Variants in PA2G4 observed in about 807,000 individuals in gnomAD.
PA2G4 encodes the protein proliferation-associated protein 2G4.
A neutral mutation model predicts 53.3 loss-of-function variants in PA2G4; 8 were observed. The observed-to-expected ratio is 0.15, with a 90% CI of 0.09 to 0.27. PA2G4 has a LOEUF of 0.27. Among genes scored for constraint, PA2G4 ranks in the 10% least tolerant of loss-of-function variants. PA2G4 has a pLI of 1.00. For synonymous variants in PA2G4, 143 were observed against 169.8 expected (o/e 0.84, Z 1.23); for missense variants, 208 against 486.8 (o/e 0.43, Z 5.39).
intron 5 of PA2G4, among the ~76,000 whole-genome samples, chr12:56,108,118 T>G (rs1288991590): frequency 6.6e-6 from 1 of 151,310 alleles, no homozygotes; most frequent in East Asian, 2.0e-4. Context: ...CTTAATATTA[T>G]AGGCATGTGG....
At chr12:56,112,711 G>A (rs192469872) in intron 12 of PA2G4, 112 bp from the exon 13 acceptor site, 2 of 752,572 alleles carry the variant, frequency 2.7e-6, no homozygotes, top group African/African-American at 1.9e-5. Context: ...CTCCAGCCTG[G>A]AAAACAGAGT....
chr12:56,105,190 G>T, intron 1 of PA2G4: 5 of 497,000 alleles, frequency 1.0e-5, no homozygotes, highest in South Asian at 7.8e-5. Flanking sequence ...AAAAGGAAGC[G>T]CCCAGCTATT....
chr12:56,104,648 G>A lies in PA2G4; in HGVS notation c.-90G>A. The A allele has an allele frequency of 8.3e-7, 1 of 1,203,932 alleles. No individual in the cohort carries two copies. The highest frequency in any genetic ancestry group is 2.3e-5 in the East Asian group (1 of 43,010). The allele number at this position is 1,203,932 out of a possible 1,614,324, so 74.6% of individuals were successfully genotyped here. A position where few individuals can be genotyped will look rare whatever the true frequency, so the allele number is the denominator to read the frequency against. On this transcript the variant is annotated 5_prime_UTR_variant, in exon 1 of 13. Transcript: ENST00000303305. ...CGCTCGCCCTCTCCTCGAGGATCGA[G>A]GGGACTCTGACCACAGCCTGTGGCT... is the stretch of plus-strand genomic sequence containing the variant.
intron 1 of PA2G4, 90 bp from the exon 2 acceptor site, chr12:56,106,498 A>G (rs1869304827): frequency 7.2e-7 from 1 of 1,382,542 alleles, no homozygotes; most frequent in Middle Eastern, 2.7e-4. Flanking sequence ...AGTATTATGG[A>G]AACTCTTAAA....
Position 56,113,731 on chromosome 12 carries a change from C to T in PA2G4, c.*843C>T. On this transcript the variant is annotated 3_prime_UTR_variant, in exon 13 of 13. Transcript: ENST00000303305. ...GCGTAGACTGACTGAAGACACAACT[C>T]CTGGCTTTCTGAAGCTATGGACTTG... 2 of 660,958 alleles carry T rather than the reference C, an allele frequency of 3.0e-6. No homozygotes were observed. Among genetic ancestry groups the T allele is most frequent in the South Asian group, 3.3e-5 (2 of 60,330 alleles). The allele number at this position is 660,958 out of a possible 1,614,324, so 40.9% of individuals were successfully genotyped here. A position where few individuals can be genotyped will look rare whatever the true frequency, so the allele number is the denominator to read the frequency against.
intron 1 of PA2G4, 111 bp downstream of exon 1, chr12:56,104,936 C>T: frequency 2.1e-6 from 2 of 971,606 alleles, no homozygotes; most frequent in South Asian, 2.6e-5. Flanking sequence ...CTGAGGGGCC[C>T]GCACCGGTCC....
Position 56,113,470 on chromosome 12 carries a change from C to G in PA2G4, c.*582C>G. 1 of 210,772 alleles carries G rather than the reference C, an allele frequency of 4.7e-6. No individual in the cohort carries two copies. The allele number at this position is 210,772 out of a possible 1,614,324, so 13.1% of individuals were successfully genotyped here. A position where few individuals can be genotyped will look rare whatever the true frequency, so the allele number is the denominator to read the frequency against. Reference sequence around the variant, plus strand: ...CTCCCATTTTAGGAGCTGGAGCCTTCATTTATGAAGAGATTCTCATCTATG... The same window carrying G: ...CTCCCATTTTAGGAGCTGGAGCCTTGATTTATGAAGAGATTCTCATCTATG... On this transcript the variant is annotated 3_prime_UTR_variant, in exon 13 of 13. Transcript: ENST00000303305.
chr12:56,104,715 G>T lies in PA2G4; in HGVS notation c.-23G>T. 6.2e-7 allele frequency: 1 copy of T among 1,606,876 alleles called. No homozygotes were observed. Among genetic ancestry groups the T allele is most frequent in the African/African-American group, 1.3e-5 (1 of 74,930 alleles). ...GCGGCGGCGGCTCAGGGGAAACGAG[G>T]CTGCAGTGGTGGTAGTAGGAAGATG... is the stretch of plus-strand genomic sequence containing the variant. On this transcript the variant is annotated 5_prime_UTR_variant, in exon 1 of 13. Transcript: ENST00000303305.
chr12:56,110,457 G>A lies in PA2G4; in HGVS notation c.688G>A (p.Val230Ile), dbSNP rs11549086. ...VHEVYAVDVLVSSGEGKAKDA... is the reference protein window; with the variant it reads ...VHEVYAVDVLISSGEGKAKDA... ...TGAAGTATATGCTGTGGATGTTCTC[G>A]TCAGCTCAGGAGAGGGCAAGGTGAG... Residue 230 changes from valine to isoleucine, a missense_variant, in exon 8 of 13, where the codon GTC (valine) becomes ATC (isoleucine). Around this residue, in one of 3 missense-constraint regions of PA2G4, gnomAD observed 143 missense variants for 386.8 expected, o/e 0.37. Coordinates refer to ENST00000303305, the MANE Select transcript of PA2G4 (RefSeq NM_006191.3). 5.6e-6 allele frequency: 9 copies of A among 1,613,128 alleles called. No homozygotes were observed. The highest frequency in any genetic ancestry group is 1.7e-5 in the Admixed American group (1 of 60,022).
intron 1 of PA2G4, 122 bp downstream of exon 1, chr12:56,104,947 G>T (rs1009554310): frequency 2.6e-5 from 24 of 907,258 alleles, no homozygotes; most frequent in Non-Finnish European, 3.5e-5. Flanking sequence ...GCACCGGTCC[G>T]CTGGGCACGG....
Position 56,107,042 on chromosome 12 carries a change from C to T in PA2G4, c.270C>T (p.Ser90=), listed in dbSNP as rs754040504. The part of the protein sequence containing the change: ...ISVNNCVCHF[S]PLKSDQDYIL... Reference sequence around the variant, plus strand: ...TAAATAACTGTGTATGTCACTTCTCCCCTTTGAAGAGCGACCAGGATTATA... The same window carrying T: ...TAAATAACTGTGTATGTCACTTCTCTCCTTTGAAGAGCGACCAGGATTATA... Residue 90 remains serine, a synonymous_variant, in exon 3 of 13, where the codon TCC becomes TCT. Coordinates refer to ENST00000303305, the MANE Select transcript of PA2G4 (RefSeq NM_006191.3). 12 of 1,613,832 alleles carry T rather than the reference C, an allele frequency of 7.4e-6. No individual in the cohort carries two copies. The South Asian group carries it at 1.3e-4, about 18-fold the overall frequency.
At position 56,104,565 on chromosome 12, in the gene PA2G4, C is replaced by G. The variant is rs1413949759; in HGVS notation, c.-173C>G. On this transcript the variant is annotated 5_prime_UTR_variant, in exon 1 of 13. Coordinates refer to ENST00000303305, the MANE Select transcript of PA2G4 (RefSeq NM_006191.3). ...CCAGCGTGCCCTGCGCCTCAGCCCG[C>G]GCGCTCGCAGCTTCTCGCTCTCGCC... 4.0e-6 allele frequency: 3 copies of G among 746,264 alleles called. No homozygotes were observed. The highest frequency in any genetic ancestry group is 5.2e-5 in the East Asian group (2 of 38,444). 46.2% of individuals were successfully genotyped at this position (746,264 alleles called of 1,614,324 possible). A position where few individuals can be genotyped will look rare whatever the true frequency, so the allele number is the denominator to read the frequency against.
At chr12:56,111,113 T>A (rs1869412205) in intron 10 of PA2G4, 55 bp downstream of exon 10, 1 of 1,612,842 alleles carries the variant, frequency 6.2e-7, no homozygotes, top group Non-Finnish European at 8.5e-7. Context: ...ATATCCTTCC[T>A]GTAAGTTCAG....
rs748382674 is a variant in PA2G4 at position 56,104,666 on chromosome 12, C to T, written c.-72C>T. The T allele has an allele frequency of 2.2e-6, 3 of 1,373,500 alleles. No individual in the cohort carries two copies. The Admixed American group carries it at 5.0e-5, about 23-fold the overall frequency. 85.1% of individuals were successfully genotyped at this position (1,373,500 alleles called of 1,614,324 possible). The stretch of plus-strand genomic sequence containing the variant: ...GGATCGAGGGGACTCTGACCACAGC[C>T]TGTGGCTGGGAAGGGAGACAGAGGC... On this transcript the variant is annotated 5_prime_UTR_variant, in exon 1 of 13. Transcript: ENST00000303305.
Position 56,107,132 on chromosome 12 carries a change from T to A in PA2G4, c.323+37T>A, listed in dbSNP as rs1431382171. On this transcript the variant is annotated intron_variant, in intron 3 of 12. Transcript: ENST00000303305. Reference sequence around the variant, plus strand: ...CCGTTTTAAAGCATTTTTCTTTTTTTAAAGCATTTACAAAATGCCAGTTCC... The same window carrying A: ...CCGTTTTAAAGCATTTTTCTTTTTTAAAAGCATTTACAAAATGCCAGTTCC... The A allele has an allele frequency of 5.6e-6, 9 of 1,605,928 alleles. No individual in the cohort carries two copies. The Admixed American group carries it at 6.7e-5, about 12-fold the overall frequency.
At chr12:56,104,945 C>A in intron 1 of PA2G4, 120 bp downstream of exon 1, 3 of 925,282 alleles carry the variant, frequency 3.2e-6, no homozygotes, top group South Asian at 1.3e-5. Flanking sequence ...CCGCACCGGT[C>A]CGCTGGGCAC....
rs545358737 is a variant in PA2G4 at position 56,111,637 on chromosome 12, C to T, written c.1119+108C>T. On this transcript the variant is annotated intron_variant, in intron 12 of 12. Coordinates refer to ENST00000303305, the MANE Select transcript of PA2G4 (RefSeq NM_006191.3). ...GGATTTTTATACAGATGCTCCTCAA[C>T]TTATATGATAGAACTTTGTCCCAGT... The T allele has an allele frequency of 4.3e-4, 400 of 931,868 alleles. 1 individual carries two copies. The highest frequency in any genetic ancestry group is 2.0e-3 in the East Asian group (84 of 41,306). 57.7% of individuals were successfully genotyped at this position (931,868 alleles called of 1,614,324 possible).
chr12:56,111,651 C>T, intron 12 of PA2G4, 122 bp downstream of exon 12: 1 of 830,348 alleles, frequency 1.2e-6, no homozygotes, highest in South Asian at 1.6e-5. Flanking sequence ...TATGATAGAA[C>T]TTTGTCCCAG....
intron 1 of PA2G4, chr12:56,105,159 G>A: frequency 1.8e-6 from 1 of 553,880 alleles, no homozygotes; most frequent in Non-Finnish European, 3.4e-6. Context: ...CTCTGATTCT[G>A]GCAGCGGCGA....
Sources: gnomAD v4.1 joint callset for allele counts (sites outside exome capture counted in the v4.1 genomes callset) on GRCh38, gnomAD v4.1.1 for gene constraint, gnomAD v4.1.1 regional missense constraint, MANE v1.5 for transcripts, NCBI Gene and HGNC (gene_info 2026-07-23, HGNC 2026-07-21) for gene names.